WDPCP: variants seen among roughly 807,000 people sequenced by gnomAD.
The protein encoded by WDPCP is WD repeat-containing and planar cell polarity effector protein fritz homolog.
WDPCP carries 71 observed loss-of-function variants against 93.1 expected under a neutral mutation model. That is an observed-to-expected ratio of 0.76 (90% CI 0.63 to 0.93). The LOEUF (loss-of-function observed/expected upper bound fraction) is 0.93. Among genes scored for constraint, WDPCP ranks in the 40% least tolerant of loss-of-function variants. The pLI, the probability that WDPCP is intolerant of heterozygous loss-of-function variation, is 0.00. For missense variants in WDPCP, 844 were observed against 887.4 expected (o/e 0.95, Z 0.62); for synonymous variants, 315 against 315.0 (o/e 1.00, Z 0.00).
intron 1 of WDPCP, among the ~76,000 whole-genome samples, chr2:63,534,200 G>A (rs1019963127): frequency 3.9e-5 from 6 of 152,188 alleles, no homozygotes; most frequent in African/African-American, 1.2e-4. Context: ...AACAGGCTCT[G>A]AAATTGAGGC....
intron 2 of WDPCP, among the ~76,000 whole-genome samples, chr2:63,788,857 G>A (rs183590304): frequency 5.3e-5 from 8 of 152,108 alleles, no homozygotes; most frequent in Non-Finnish European, 8.8e-5. Context: ...TCCTGGCATT[G>A]TCAGACTTCA....
At chr2:63,406,062 T>A (rs2105211086) in intron 9 of WDPCP, among the ~76,000 whole-genome samples, 1 of 152,210 alleles carries the variant, frequency 6.6e-6, no homozygotes, top group Non-Finnish European at 1.5e-5. Context: ...AACAATTTCA[T>A]GTGAGTCAAA....
intron 15 of WDPCP, among the ~76,000 whole-genome samples, chr2:63,174,146 C>A (rs1230767626): frequency 1.3e-5 from 2 of 152,018 alleles, no homozygotes; most frequent in Non-Finnish European, 2.9e-5. Context: ...GAATCATTAT[C>A]ATAATTAATA....
At chr2:63,684,460 A>AGTGATAGCTGTCATGG (rs1668777708) in intron 2 of WDPCP, 1 of 798,144 alleles carries the variant, frequency 1.3e-6, no homozygotes, top group Non-Finnish European at 2.2e-6. Flanking sequence ...ACCCCCGCAA[A>AGTGATAGCTGTCATGG]GTGATAGCTG....
At chr2:63,147,967 CAAA>C (rs11331152) in intron 17 of WDPCP, among the ~76,000 whole-genome samples, 7 of 87,500 alleles carry the variant, frequency 8.0e-5, no homozygotes, top group Admixed American at 1.2e-4. Flanking sequence ...GACTCTGTCT[CAAA>C]AAAAAAAAAA....
intron 1 of WDPCP, among the ~76,000 whole-genome samples, chr2:63,562,449 T>C (rs1232732592): frequency 6.6e-6 from 1 of 152,280 alleles, no homozygotes; most frequent in Admixed American, 6.5e-5. Context: ...GATGGGTTGA[T>C]AGGTGCAACC....
chr2:63,794,671 A>G (rs1670590480), intron 2 of WDPCP, among the ~76,000 whole-genome samples: 1 of 152,186 alleles, frequency 6.6e-6, no homozygotes, highest in Non-Finnish European at 1.5e-5. Flanking sequence ...TTCTACCTCT[A>G]GACTTCCAGT....
chr2:63,495,296 C>A (rs1455395139), intron 1 of WDPCP, among the ~76,000 whole-genome samples: 1 of 152,164 alleles, frequency 6.6e-6, no homozygotes, highest in Admixed American at 6.5e-5. Flanking sequence ...TATTATCTTT[C>A]AGTATTATCA....
chr2:63,262,128 T>C (rs1469687439), intron 13 of WDPCP, among the ~76,000 whole-genome samples: 2 of 152,200 alleles, frequency 1.3e-5, no homozygotes, highest in African/African-American at 2.4e-5. Flanking sequence ...GTCTGTGACT[T>C]TGTTTACTTG....
At chr2:63,537,049 T>G (rs1269872076) in intron 1 of WDPCP, among the ~76,000 whole-genome samples, 1 of 152,174 alleles carries the variant, frequency 6.6e-6, no homozygotes, top group Non-Finnish European at 1.5e-5. Flanking sequence ...ATTAGGAGCC[T>G]GAGCTGTGGA....
intron 2 of WDPCP, among the ~76,000 whole-genome samples, chr2:63,718,086 C>A (rs933589753): frequency 4.0e-5 from 6 of 151,620 alleles, no homozygotes; most frequent in African/African-American, 1.5e-4. Flanking sequence ...ATAGTGATCC[C>A]ATATATATGA....
intron 12 of WDPCP, among the ~76,000 whole-genome samples, chr2:63,371,225 C>A (rs1246131365): frequency 1.3e-5 from 2 of 152,102 alleles, no homozygotes; most frequent in Non-Finnish European, 2.9e-5. Flanking sequence ...CTATTATATT[C>A]TTTGTCCAAT....
intron 10 of WDPCP, among the ~76,000 whole-genome samples, chr2:63,397,086 A>G (rs973722033): frequency 2.0e-5 from 3 of 152,178 alleles, no homozygotes; most frequent in African/African-American, 7.2e-5. Context: ...TAGGATGACA[A>G]GACTGGAAGG....
At chr2:63,512,936 AC>A (rs1456851078) in intron 1 of WDPCP, among the ~76,000 whole-genome samples, 1 of 152,156 alleles carries the variant, frequency 6.6e-6, no homozygotes, top group East Asian at 1.9e-4. Flanking sequence ...AAGGGATTCA[AC>A]ACAAGAACAA....
At chr2:63,216,271 A>G (rs1364350578) in intron 14 of WDPCP, among the ~76,000 whole-genome samples, 1 of 152,160 alleles carries the variant, frequency 6.6e-6, no homozygotes, top group Non-Finnish European at 1.5e-5. Context: ...TGTTTATTGC[A>G]ACACTATTCA....
intron 12 of WDPCP, among the ~76,000 whole-genome samples, chr2:63,327,361 C>A (rs1161184902): frequency 6.6e-6 from 1 of 152,150 alleles, no homozygotes; most frequent in Non-Finnish European, 1.5e-5. Context: ...ATTAAAATCC[C>A]AAACTTAAAA....
chr2:63,259,868 A>C (rs181769242), intron 13 of WDPCP, among the ~76,000 whole-genome samples: 1 of 152,332 alleles, frequency 6.6e-6, no homozygotes, highest in Admixed American at 6.5e-5. Flanking sequence ...AATAATTAGT[A>C]CTGACTAATT....
chr2:63,726,228 G>A (rs1275433808), intron 2 of WDPCP, among the ~76,000 whole-genome samples: 1 of 152,136 alleles, frequency 6.6e-6, no homozygotes, highest in East Asian at 1.9e-4. Context: ...TTTTGTATAT[G>A]GTGAAAGGAA....
intron 14 of WDPCP, among the ~76,000 whole-genome samples, chr2:63,220,913 T>C (rs1677767738): frequency 6.6e-6 from 1 of 152,142 alleles, no homozygotes; most frequent in Non-Finnish European, 1.5e-5. Flanking sequence ...GTCCATGTGT[T>C]CTCATTGTGC....
Sources: gnomAD v4.1 joint callset for allele counts (sites outside exome capture counted in the v4.1 genomes callset) on GRCh38, gnomAD v4.1.1 for gene constraint, MANE v1.5 for transcripts, NCBI Gene and HGNC (gene_info 2026-07-23, HGNC 2026-07-21) for gene names.